The following SPATA7 variants were observed in gnomAD, a reference collection of about 807,000 sequenced individuals.
The protein encoded by SPATA7 is spermatogenesis associated 7.
A neutral mutation model predicts 51.8 loss-of-function variants in SPATA7; 43 were observed. That is an observed-to-expected ratio of 0.83 (90% CI 0.65 to 1.07). The LOEUF (loss-of-function observed/expected upper bound fraction) is 1.07. Ranked by LOEUF, SPATA7 falls within the 50% of genes least tolerant of loss-of-function variation. The pLI, the probability that SPATA7 is intolerant of heterozygous loss-of-function variation, is 0.00. For missense variants in SPATA7, 683 were observed against 701.3 expected, an observed-to-expected ratio of 0.97 and a Z score of 0.30; for synonymous variants, 230 against 252.8, an observed-to-expected ratio of 0.91 and a Z score of 0.86.
chr14:88,447,455 A>G (rs1017410198), intron 3 of SPATA7, among the ~76,000 whole-genome samples: 1 of 151,916 alleles, frequency 6.6e-6, no homozygotes, highest in African/African-American at 2.4e-5. Flanking sequence ...CAGTCTGTAT[A>G]TTTTAATTGG....
chr14:88,461,184 C>T (rs764972854), intron 4 of SPATA7, among the ~76,000 whole-genome samples: 14 of 152,200 alleles, frequency 9.2e-5, no homozygotes, highest in Admixed American at 1.3e-4. Flanking sequence ...GCAGTCTGTC[C>T]GTTCTCAGAT....
intron 3 of SPATA7, among the ~76,000 whole-genome samples, chr14:88,445,440 G>A (rs1449285934): frequency 3.9e-5 from 6 of 152,124 alleles, no homozygotes; most frequent in East Asian, 3.8e-4. Context: ...AACAGGGACA[G>A]TTTGACTTCC....
chr14:88,401,641 G>A (rs1262233740), intron 4 of SPATA7, among the ~76,000 whole-genome samples: 1 of 151,902 alleles, frequency 6.6e-6, no homozygotes. Context: ...TGGCCAGCCT[G>A]GGCAACATAG....
At position 88,426,223 on chromosome 14, in the gene SPATA7, T is replaced by A. The variant is rs780472906; in HGVS notation, c.373-9T>A. On this transcript the variant is annotated splice_polypyrimidine_tract_variant and intron_variant, in intron 5 of 11. Coordinates refer to ENST00000393545, the MANE Select transcript of SPATA7 (RefSeq NM_018418.5). ...TGCAGTTGATGACTGTCATATCGAA[T>A]GTTCTTAGCCCTCAGGCGAACCGCA... 2.5e-6 allele frequency: 4 copies of A among 1,603,506 alleles called. No homozygotes were observed. The highest frequency in any genetic ancestry group is 3.4e-6 in the Non-Finnish European group (4 of 1,170,902).
chr14:88,469,707 C>T lies in SPATA7; in HGVS notation c.255-140C>T, dbSNP rs1263442119. On this transcript the variant is annotated intron_variant, in intron 4 of 4. Coordinates refer to the SPATA7 transcript ENST00000556406. The surrounding 1 kb of genome is among the most constrained non-coding windows in gnomAD (Gnocchi z 4.3). Reference sequence around the variant, plus strand: ...GCCTGGAACCAAGTCGTGGCCAGTACCTAAAGCTCTTCTCCCTTCCACCCT... The same window carrying T: ...GCCTGGAACCAAGTCGTGGCCAGTATCTAAAGCTCTTCTCCCTTCCACCCT... The T allele has an allele frequency of 6.2e-7, 1 of 1,614,034 alleles. No homozygotes were observed. Among genetic ancestry groups the T allele is most frequent in the Non-Finnish European group, 8.5e-7 (1 of 1,180,046 alleles).
intron 8 of SPATA7, among the ~76,000 whole-genome samples, chr14:88,430,251 C>T (rs915183430): frequency 2.6e-5 from 4 of 152,056 alleles, no homozygotes; most frequent in Non-Finnish European, 2.9e-5. Flanking sequence ...GCTTCTCCCT[C>T]AGGCCTTTGC....
rs766178958 is a variant in SPATA7, at chr14:88,426,183, T to G, written c.373-49T>G. Reference sequence around the variant, plus strand: ...AATGTATAATCTCAAAATCCCCAATTACATGAATTCGTAATGCAGTTGATG... The same window carrying G: ...AATGTATAATCTCAAAATCCCCAATGACATGAATTCGTAATGCAGTTGATG... On this transcript the variant is annotated intron_variant, in intron 5 of 11. Transcript: ENST00000393545. 3.7e-6 allele frequency: 5 copies of G among 1,353,482 alleles called. No homozygotes were observed. The South Asian group carries it at 6.0e-5, about 16-fold the overall frequency. 83.8% of individuals were successfully genotyped at this position (1,353,482 alleles called of 1,614,324 possible).
intron 4 of SPATA7, among the ~76,000 whole-genome samples, chr14:88,462,471 T>C (rs2077323929): frequency 6.6e-6 from 1 of 152,230 alleles, no homozygotes; most frequent in Non-Finnish European, 1.5e-5. Flanking sequence ...ATACTGAAGA[T>C]GTTTGTTTTA....
chr14:88,469,097 A>G lies in SPATA7; in HGVS notation c.255-750A>G, dbSNP rs1485803858. The G allele has an allele frequency of 6.2e-7, 1 of 1,600,826 alleles. No individual in the cohort carries two copies. The highest frequency in any genetic ancestry group is 8.5e-7 in the Non-Finnish European group (1 of 1,170,166). On this transcript the variant is annotated intron_variant, in intron 4 of 4. Transcript: ENST00000556406. The surrounding 1 kb of genome is among the most constrained non-coding windows in gnomAD (Gnocchi z 4.3). ...ATATGCTGTGGAAAATCAATGAAAT[A>G]GAAAAGTACTCAAGGATCAAGGCGT...
downstream of SPATA7, among the ~76,000 whole-genome samples, chr14:88,458,339 G>C (rs1165903015): frequency 6.6e-6 from 1 of 152,186 alleles, no homozygotes; most frequent in Non-Finnish European, 1.5e-5. Flanking sequence ...ATTCGGCTGT[G>C]AATCCATCTG....
chr14:88,433,279 T>C, intron 10 of SPATA7, 67 bp downstream of exon 10: 1 of 1,142,720 alleles, frequency 8.8e-7, no homozygotes, highest in East Asian at 2.4e-5. Flanking sequence ...TTTCTTCATA[T>C]GATGTTAAAA....
intron 4 of SPATA7, among the ~76,000 whole-genome samples, chr14:88,465,543 A>G (rs2077352090): frequency 6.6e-6 from 1 of 151,272 alleles, no homozygotes. Flanking sequence ...AAAAGACCCC[A>G]CTAATCAGGA....
chr14:88,441,194 G>A (rs1001158639), downstream of SPATA7, among the ~76,000 whole-genome samples: 2 of 151,824 alleles, frequency 1.3e-5, no homozygotes, highest in Admixed American at 1.3e-4. Context: ...TCAATTGTGT[G>A]TGTGTGTGTG....
At chr14:88,440,846 T>G (rs77599872), downstream of SPATA7, among the ~76,000 whole-genome samples, 3,957 of 152,114 alleles carry the variant, frequency 0.026, 181 homozygotes, top group African/African-American at 0.09. Context: ...TTTATTTCAG[T>G]AGGATTTTGG....
At chr14:88,461,474 G>A (rs981346041) in intron 4 of SPATA7, among the ~76,000 whole-genome samples, 1 of 152,138 alleles carries the variant, frequency 6.6e-6, no homozygotes, top group Non-Finnish European at 1.5e-5. Flanking sequence ...TGCTAGCAGT[G>A]AGTGAGTATC....
At chr14:88,388,167 C>T (rs1163389683) in intron 1 of SPATA7, among the ~76,000 whole-genome samples, 1 of 151,772 alleles carries the variant, frequency 6.6e-6, no homozygotes, top group South Asian at 2.1e-4. Context: ...ATGCCACTGC[C>T]CTCCAGCCTG....
intron 4 of SPATA7, among the ~76,000 whole-genome samples, chr14:88,397,226 A>C (rs898091361): frequency 6.6e-6 from 1 of 152,140 alleles, no homozygotes; most frequent in Non-Finnish European, 1.5e-5. Context: ...ACCATTTTCC[A>C]TTATGACTAA....
intron 4 of SPATA7, among the ~76,000 whole-genome samples, chr14:88,464,917 A>G (rs1427010314): frequency 6.6e-6 from 1 of 152,164 alleles, no homozygotes; most frequent in Non-Finnish European, 1.5e-5. Flanking sequence ...GAAATGACTG[A>G]TGGTGAAAGC....
At position 88,469,544 on chromosome 14, in the gene SPATA7, C is replaced by A. The variant is rs2077422960; in HGVS notation, c.255-303C>A. The A allele has an allele frequency of 6.2e-7, 1 of 1,614,168 alleles. No individual in the cohort carries two copies. Among genetic ancestry groups the A allele is most frequent in the Non-Finnish European group, 8.5e-7 (1 of 1,180,032 alleles). On this transcript the variant is annotated intron_variant, in intron 4 of 4. Coordinates refer to the SPATA7 transcript ENST00000556406. This position sits in a 1 kb window ranked among gnomAD's most constrained non-coding sequence, Gnocchi z 4.3. ...TCTGGACAGCCATGTTCAGGCCAGT[C>A]TGTGTATTGGAGGTGCCAGACGGTC... is the stretch of plus-strand genomic sequence containing the variant.
Sources: allele counts gnomAD v4.1 joint callset (sites outside exome capture counted in the v4.1 genomes callset), GRCh38; gene constraint gnomAD v4.1.1; non-coding constraint Gnocchi (gnomAD v3.1); transcripts MANE v1.5; gene names NCBI Gene and HGNC (gene_info 2026-07-23, HGNC 2026-07-21).